The following NFIA variants were observed in gnomAD, a reference collection of about 807,000 sequenced individuals.
NFIA encodes the protein nuclear factor 1 A-type.
In NFIA, 8 loss-of-function variants were observed where a neutral mutation model predicts 62.8. The observed-to-expected ratio is 0.13, with a 90% confidence interval of 0.07 to 0.23. NFIA has a LOEUF of 0.23. Among genes scored for constraint, NFIA ranks in the 10% least tolerant of loss-of-function variants. NFIA has a pLI of 1.00. For missense variants in NFIA, 410 were observed against 642.1 expected (o/e 0.64, Z 3.91); for synonymous variants, 235 against 238.1 (o/e 0.99, Z 0.12).
intron 2 of NFIA, among the ~76,000 whole-genome samples, chr1:61,198,575 C>T (rs1166313782): frequency 2.0e-5 from 3 of 152,172 alleles, no homozygotes; most frequent in Non-Finnish European, 4.4e-5. Flanking sequence ...GGGGGTTTTA[C>T]TCTTTTTATT....
At chr1:61,437,624 A>C (rs1667388366) in intron 10 of NFIA, among the ~76,000 whole-genome samples, 1 of 152,232 alleles carries the variant, frequency 6.6e-6, no homozygotes, top group Non-Finnish European at 1.5e-5. Flanking sequence ...AAAAGTAAAT[A>C]AACTAAGATG....
chr1:61,378,529 C>T (rs541285295), intron 6 of NFIA, among the ~76,000 whole-genome samples: 12 of 151,008 alleles, frequency 7.9e-5, no homozygotes, highest in African/African-American at 2.2e-4. Context: ...GCATTGCAGT[C>T]GTCTTATATT....
chr1:61,213,113 G>A (rs1243883871), intron 2 of NFIA, among the ~76,000 whole-genome samples: 2 of 152,166 alleles, frequency 1.3e-5, no homozygotes, highest in African/African-American at 2.4e-5. Context: ...CAAAAATCGG[G>A]AAAGTATAAC....
rs1197167197 is a variant in NFIA at position 61,383,292 on chromosome 1, C to G, written c.1002C>G (p.Pro334=). 6.2e-7 allele frequency: 1 copy of G among 1,613,960 alleles called. No individual in the cohort carries two copies. Among genetic ancestry groups the G allele is most frequent in the Non-Finnish European group, 8.5e-7 (1 of 1,179,950 alleles). Residue 334 remains proline, a synonymous_variant, in exon 7 of 11, where the codon CCC becomes CCG. Coordinates refer to ENST00000403491, the MANE Select transcript of NFIA (RefSeq NM_001134673.4). ...CGGAGAAGTCTGGTTTCAGCAGCCC[C>G]TCCCCTTCACAGACCTCCTCCCTGG... ...KKSEKSGFSS[P]SPSQTSSLGT... is the part of the protein sequence containing the mutation.
At chr1:61,146,924 G>A (rs1010651424) in intron 2 of NFIA, among the ~76,000 whole-genome samples, 4 of 152,094 alleles carry the variant, frequency 2.6e-5, no homozygotes, top group Admixed American at 6.5e-5. Context: ...ATGAGGTTGG[G>A]TTCAGGAAGG....
chr1:61,092,740 G>A (rs768675239), intron 2 of NFIA, among the ~76,000 whole-genome samples: 3 of 152,144 alleles, frequency 2.0e-5, no homozygotes, highest in Non-Finnish European at 4.4e-5. Flanking sequence ...TTTTGGCTTC[G>A]TGATTGCCAT....
At chr1:61,122,052 T>G (rs1646896286) in intron 2 of NFIA, among the ~76,000 whole-genome samples, 1 of 152,210 alleles carries the variant, frequency 6.6e-6, no homozygotes, top group African/African-American at 2.4e-5. Flanking sequence ...TAACGCACAT[T>G]TTAGCATCCA....
rs140647500 is a variant in NFIA, at chr1:61,259,944, C to T, written c.560-17576C>T. ...CAGTGGGGTAATTAAACTTGCAGTG[C>T]CTGTCACTCATTCCTTAGGCTGAGG... On this transcript the variant is annotated intron_variant, in intron 2 of 10. Coordinates refer to ENST00000403491, the MANE Select transcript of NFIA (RefSeq NM_001134673.4). Among the ~76,000 whole-genome samples, 631 of 152,246 alleles carry T rather than the reference C, an allele frequency of 4.1e-3. 8 individuals carry two copies. Among genetic ancestry groups the T allele is most frequent in the Admixed American group, 0.019 (295 of 15,294 alleles).
At chr1:61,092,718 A>G (rs1304755117) in intron 2 of NFIA, among the ~76,000 whole-genome samples, 4 of 152,142 alleles carry the variant, frequency 2.6e-5, no homozygotes, top group Non-Finnish European at 5.9e-5. Context: ...ATTCAGGTGC[A>G]TTTTAGTTTT....
chr1:61,247,908 T>A (rs1285452180), intron 2 of NFIA, among the ~76,000 whole-genome samples: 1 of 152,226 alleles, frequency 6.6e-6, no homozygotes, highest in African/African-American at 2.4e-5. Context: ...CTGTATCAAG[T>A]GTTTCCTGGT....
intron 2 of NFIA, among the ~76,000 whole-genome samples, chr1:61,191,148 G>A (rs1237516265): frequency 6.6e-6 from 1 of 151,586 alleles, no homozygotes; most frequent in Non-Finnish European, 1.5e-5. Flanking sequence ...ATCTGTTACT[G>A]GGTAACTCCA....
chr1:61,216,910 G>T (rs1163567382), intron 2 of NFIA, among the ~76,000 whole-genome samples: 1 of 151,914 alleles, frequency 6.6e-6, no homozygotes, highest in Non-Finnish European at 1.5e-5. Flanking sequence ...TGAGGCAGGA[G>T]AATCGCTTGA....
chr1:61,212,419 G>C (rs332820), intron 2 of NFIA, among the ~76,000 whole-genome samples: 35,002 of 152,100 alleles, frequency 0.23, 4,163 homozygotes, highest in East Asian at 0.36. Flanking sequence ...AGTATGGTCT[G>C]TGAGCCATGA....
chr1:61,151,730 A>C (rs1278062881), intron 2 of NFIA, among the ~76,000 whole-genome samples: 1 of 152,154 alleles, frequency 6.6e-6, no homozygotes, highest in African/African-American at 2.4e-5. Flanking sequence ...ACATAGTACT[A>C]TTCTGGGTCC....
intron 9 of NFIA, among the ~76,000 whole-genome samples, chr1:61,407,509 C>A (rs1196126221): frequency 6.6e-6 from 1 of 152,176 alleles, no homozygotes; most frequent in Non-Finnish European, 1.5e-5. Flanking sequence ...AGTTTGAATG[C>A]ACAAATGTGC....
intron 6 of NFIA, among the ~76,000 whole-genome samples, chr1:61,362,591 G>A (rs1052314415): frequency 2.6e-5 from 4 of 152,186 alleles, no homozygotes; most frequent in Non-Finnish European, 5.9e-5. Flanking sequence ...AATTACATGG[G>A]CTATTTCAAA....
intron 5 of NFIA, among the ~76,000 whole-genome samples, chr1:61,358,560 A>C (rs1053718231): frequency 2.3e-4 from 35 of 151,358 alleles, no homozygotes; most frequent in Admixed American, 1.1e-3. Flanking sequence ...TAATTTTTGC[A>C]CTTTTAGTAG....
intron 3 of NFIA, among the ~76,000 whole-genome samples, chr1:61,330,188 A>G (rs923455848): frequency 6.6e-6 from 1 of 152,202 alleles, no homozygotes; most frequent in Admixed American, 6.5e-5. Context: ...AATGCCCAAC[A>G]AATACTTAGA....
intron 1 of NFIA, among the ~76,000 whole-genome samples, chr1:61,087,562 G>A (rs554897480): frequency 1.4e-4 from 21 of 152,142 alleles, no homozygotes; most frequent in African/African-American, 5.1e-4. Context: ...ATTTAAAAGG[G>A]GAATTTAGAC....
Sources: allele counts gnomAD v4.1 joint callset (sites outside exome capture counted in the v4.1 genomes callset), GRCh38; gene constraint gnomAD v4.1.1; transcripts MANE v1.5; gene names NCBI Gene and HGNC (gene_info 2026-07-23, HGNC 2026-07-21).